Variants in DCLK3 observed in about 807,000 individuals in gnomAD.
DCLK3 encodes the protein doublecortin like kinase 3, also known as serine/threonine-protein kinase DCLK3.
Under a neutral mutation model 46.4 loss-of-function variants are expected in DCLK3, and 30 were observed. The observed-to-expected ratio is 0.65, with a 90% CI of 0.48 to 0.88. The LOEUF (loss-of-function observed/expected upper bound fraction) is 0.88. Among genes scored for constraint, DCLK3 ranks in the 40% least tolerant of loss-of-function variants. The pLI is 0.00. For synonymous variants in DCLK3, 401 were observed against 339.2 expected (o/e 1.18, Z -2.00); for missense variants, 846 against 907.1 (o/e 0.93, Z 0.87).
chr3:36,715,489 C>T lies in DCLK3; in HGVS notation c.2293G>A (p.Val765Ile), dbSNP rs374775248. The stretch of plus-strand genomic sequence containing the variant: ...GCTGTGTAGCGCTTTTTGGGGTCTA[C>T]CACCAGCAACCGGCTCACCAGATCT... The part of the protein sequence containing the change: ...AKDLVSRLLV[V>I]DPKKRYTAHQ... The change falls in exon 5 of 5, where the codon GTA becomes ATA. Residue 765 changes from valine to isoleucine, a missense_variant. Val to Ile is a conservative substitution (Grantham distance 29). Transcript: ENST00000636136. 4 of 1,548,518 alleles carry T rather than the reference C, an allele frequency of 2.6e-6. No homozygotes were observed. The African/African-American group carries it at 5.6e-5, about 22-fold the overall frequency.
chr3:36,738,796 T>C lies in DCLK3; in HGVS notation c.371A>G (p.Gln124Arg). The C allele has an allele frequency of 8.9e-7, 1 of 1,118,138 alleles. No individual in the cohort carries two copies. Among genetic ancestry groups the C allele is most frequent in the Admixed American group, 3.1e-5 (1 of 32,148 alleles). The allele number at this position is 1,118,138 out of a possible 1,614,324, so 69.3% of individuals were successfully genotyped here. Residue 124 changes from glutamine to arginine, a missense_variant, in exon 2 of 5, where the codon CAG becomes CGG. Transcript: ENST00000636136. ...GGCTTCTGAGATGTCAGCTAAGAGC[T>C]GCTCGAACGTCTGCACTGATCGCCT... Reference protein sequence around the residue: ...LNRRSVQTFEQLLADISEALG... With the variant: ...LNRRSVQTFERLLADISEALG...
At chr3:36,717,772 C>T (rs1037077169) in intron 4 of DCLK3, among the ~76,000 whole-genome samples, 4 of 152,136 alleles carry the variant, frequency 2.6e-5, no homozygotes, top group African/African-American at 7.2e-5. Context: ...TCTTGAATTG[C>T]CTTAAGGAAA....
rs751309409 is a variant in DCLK3, at chr3:36,738,289, T to C, written c.878A>G (p.His293Arg). ...LEERHARGEK[H>R]LGVEIEKTSG... ...GGTCTTTTCAATCTCCACCCCAAGA[T>C]GCTTCTCTCCCCTTGCGTGCCTCTC... Residue 293 changes from histidine (H) to arginine (R), a missense_variant, in exon 2 of 5, where the codon CAT becomes CGT. Physicochemically the swap from His to Arg is conservative, Grantham distance 29 (BLOSUM62 0). Transcript: ENST00000636136. 26 of 1,525,880 alleles carry C rather than the reference T, an allele frequency of 1.7e-5. No homozygotes were observed. Among genetic ancestry groups the C allele is most frequent in the Non-Finnish European group, 2.3e-5 (26 of 1,139,144 alleles). 94.5% of individuals were successfully genotyped at this position (1,525,880 alleles called of 1,614,324 possible). A position where few individuals can be genotyped will look rare whatever the true frequency, so the allele number is the denominator to read the frequency against.
rs1264719542 is a variant in DCLK3, at chr3:36,714,021, C to T, written c.*1307G>A. The T allele has an allele frequency of 6.6e-6, 1 of 152,222 alleles. No individual in the cohort carries two copies. Among genetic ancestry groups the T allele is most frequent in the Non-Finnish European group, 1.5e-5 (1 of 68,062 alleles). 9.4% of individuals were successfully genotyped at this position (152,222 alleles called of 1,614,324 possible). ...AGTCTTGGAGGACCTGAGTGGCATA[C>T]TACAGTGTCCACTACAAGAAATTTC... On this transcript the variant is annotated 3_prime_UTR_variant, in exon 5 of 5. Coordinates refer to ENST00000636136, the MANE Select transcript of DCLK3 (RefSeq NM_001394672.2).
intron 1 of DCLK3, among the ~76,000 whole-genome samples, chr3:36,747,567 T>C (rs1209560330): frequency 6.6e-6 from 1 of 152,142 alleles, no homozygotes; most frequent in Non-Finnish European, 1.5e-5. Context: ...TCTGGGCTGA[T>C]ATGAGTCTAG....
chr3:36,741,372 A>T (rs866784940), intron 1 of DCLK3, among the ~76,000 whole-genome samples: 7 of 152,214 alleles, frequency 4.6e-5, no homozygotes, highest in African/African-American at 1.7e-4. Flanking sequence ...AAGACCCTGT[A>T]TAGGGACAGA....
At chr3:36,728,111 A>AC (rs1559388270) in intron 2 of DCLK3, among the ~76,000 whole-genome samples, 2 of 152,170 alleles carry the variant, frequency 1.3e-5, no homozygotes, top group Admixed American at 1.3e-4. Flanking sequence ...AGTGCATCCC[A>AC]TTTATGGCAA....
intron 1 of DCLK3, among the ~76,000 whole-genome samples, chr3:36,745,146 A>C (rs1003714902): frequency 6.6e-6 from 1 of 152,236 alleles, no homozygotes; most frequent in Non-Finnish European, 1.5e-5. Context: ...TCTCTGTTAT[A>C]AGATTAGCTG....
chr3:36,764,298 G>T lies in DCLK3; in HGVS notation c.-35C>A. 4.5e-6 allele frequency: 1 copy of T among 222,900 alleles called. No individual in the cohort carries two copies. The allele number at this position is 222,900 out of a possible 1,614,324, so 13.8% of individuals were successfully genotyped here. A position where few individuals can be genotyped will look rare whatever the true frequency, so the allele number is the denominator to read the frequency against. On this transcript the variant is annotated 5_prime_UTR_variant, in exon 1 of 5. In the 5' UTR this introduces an upstream ATG that the reference lacks. Transcript: ENST00000636136. This position sits in a 1 kb window ranked among gnomAD's most constrained non-coding sequence, Gnocchi z 4.9. ...GCGGGCTCGGGGAGAGCCTGGAGCA[G>T]AGGTGGCAGCGCGGGGACGCGGCTC... is the stretch of plus-strand genomic sequence containing the variant.
At chr3:36,731,359 C>T (rs1701195808) in intron 2 of DCLK3, among the ~76,000 whole-genome samples, 1 of 151,992 alleles carries the variant, frequency 6.6e-6, no homozygotes, top group Non-Finnish European at 1.5e-5. Context: ...CATAAAGATG[C>T]TGTCATATCT....
chr3:36,748,755 G>C (rs1326076467), intron 1 of DCLK3, among the ~76,000 whole-genome samples: 2 of 152,122 alleles, frequency 1.3e-5, no homozygotes, highest in African/African-American at 4.8e-5. Flanking sequence ...TTTTCCTCCA[G>C]GTGAACCCTT....
intron 1 of DCLK3, among the ~76,000 whole-genome samples, chr3:36,760,921 C>T (rs555086452): frequency 2.0e-5 from 3 of 152,284 alleles, no homozygotes; most frequent in South Asian, 2.1e-4. Flanking sequence ...ATAAGGAAAC[C>T]GAGGCTCAGA....
intron 3 of DCLK3, among the ~76,000 whole-genome samples, chr3:36,718,827 A>AAC (rs146271031): frequency 1.3e-5 from 2 of 151,782 alleles, no homozygotes; most frequent in African/African-American, 2.4e-5. Context: ...ACTGGTATAC[A>AAC]ACACACACAC....
chr3:36,727,749 G>A (rs1701142924), intron 2 of DCLK3, among the ~76,000 whole-genome samples: 1 of 152,154 alleles, frequency 6.6e-6, no homozygotes, highest in African/African-American at 2.4e-5. Context: ...TCTGTCTCCA[G>A]CTTCTGCTGT....
intron 1 of DCLK3, among the ~76,000 whole-genome samples, chr3:36,762,276 A>G (rs186150472): frequency 6.6e-6 from 1 of 152,236 alleles, no homozygotes; most frequent in Non-Finnish European, 1.5e-5. Context: ...TCATGTTTGG[A>G]TAACATAGGA....
intron 1 of DCLK3, among the ~76,000 whole-genome samples, chr3:36,750,797 A>T (rs2125536378): frequency 6.6e-6 from 1 of 152,318 alleles, no homozygotes; most frequent in Admixed American, 6.5e-5. Flanking sequence ...GCAGATCGTG[A>T]ATGTTTTTGA....
intron 4 of DCLK3, among the ~76,000 whole-genome samples, chr3:36,717,773 C>T (rs1701002943): frequency 6.6e-6 from 1 of 152,142 alleles, no homozygotes; most frequent in African/African-American, 2.4e-5. Flanking sequence ...CTTGAATTGC[C>T]TTAAGGAAAA....
chr3:36,739,554 T>C (rs1384676239), intron 1 of DCLK3, among the ~76,000 whole-genome samples: 1 of 152,204 alleles, frequency 6.6e-6, no homozygotes, highest in African/African-American at 2.4e-5. Context: ...TCTTCCTCAT[T>C]CTCTCTTTGC....
chr3:36,743,352 G>T (rs557233845), intron 1 of DCLK3, among the ~76,000 whole-genome samples: 1 of 151,000 alleles, frequency 6.6e-6, no homozygotes, highest in South Asian at 2.1e-4. Flanking sequence ...AACCACTTTT[G>T]GTCCCAAGCA....
Sources: gnomAD v4.1 joint callset for allele counts (sites outside exome capture counted in the v4.1 genomes callset) on GRCh38, gnomAD v4.1.1 for gene constraint, Gnocchi (gnomAD v3.1) non-coding constraint, MANE v1.5 for transcripts, NCBI Gene and HGNC (gene_info 2026-07-23, HGNC 2026-07-21) for gene names.